Variants in ELAVL3 observed in about 807,000 individuals in gnomAD.
The protein encoded by ELAVL3 is ELAV like RNA binding protein 3.
ELAVL3 carries 8 observed loss-of-function variants against 34.2 expected under a neutral mutation model. That is an observed-to-expected ratio of 0.23 (90% CI 0.14 to 0.42). The LOEUF is 0.42. Ranked by LOEUF, ELAVL3 falls within the 10% of genes least tolerant of loss-of-function variation. The pLI, the probability that ELAVL3 is intolerant of heterozygous loss-of-function variation, is 1.00. For synonymous variants in ELAVL3, 209 were observed against 222.1 expected, an observed-to-expected ratio of 0.94 and a Z score of 0.53; for missense variants, 273 against 518.8, an observed-to-expected ratio of 0.53 and a Z score of 4.60.
At chr19:11,462,400 GCCGAGGTGGGCAGATCA>G (rs1374414369) in intron 3 of ELAVL3, among the ~76,000 whole-genome samples, 2 of 151,754 alleles carry the variant, frequency 1.3e-5, no homozygotes, top group East Asian at 2.0e-4. Flanking sequence ...ACTTTGGGAG[GCCGAGGTGGGCAGATCA>G]CTTGAGGTCA....
intron 3 of ELAVL3, among the ~76,000 whole-genome samples, chr19:11,465,681 A>T (rs943198574): frequency 1.3e-5 from 2 of 152,000 alleles, no homozygotes; most frequent in Non-Finnish European, 2.9e-5. Flanking sequence ...GGGGGTTTCC[A>T]TGACGATTCC....
chr19:11,464,723 CAT>C (rs1168775489), intron 3 of ELAVL3, among the ~76,000 whole-genome samples: 6 of 128,516 alleles, frequency 4.7e-5, no homozygotes, highest in Non-Finnish European at 6.5e-5. Context: ...CACACACACA[CAT>C]CACACACACA....
intron 1 of ELAVL3, among the ~76,000 whole-genome samples, chr19:11,476,203 T>C (rs1012263588): frequency 7.9e-5 from 12 of 152,196 alleles, no homozygotes; most frequent in Non-Finnish European, 1.6e-4. Flanking sequence ...ATGTGAAACT[T>C]CCAGGTGGTT....
Position 11,452,554 on chromosome 19 carries a change from G to C in ELAVL3, c.*1972C>G, listed in dbSNP as rs1349298509. The C allele has an allele frequency of 8.9e-6, 1 of 111,862 alleles. No individual in the cohort carries two copies. The highest frequency in any genetic ancestry group is 3.4e-5 in the African/African-American group (1 of 29,316). The allele number at this position is 111,862 out of a possible 1,614,324, so 6.9% of individuals were successfully genotyped here. On this transcript the variant is annotated 3_prime_UTR_variant, in exon 7 of 7. Transcript: ENST00000359227. ...GTTGCTTTTTTTTCCTCTTCTGTTT[G>C]TGTTTTTTTGTCGCTTTTTTGATTT...
chr19:11,454,471 C>CTCTCTCTCTCTCTCTCTT lies in ELAVL3; in HGVS notation c.*54_*55insAAGAGAGAGAGAGAGAGA. ...CCCTTCTCTCTCTCTCTCTCTCTTTCTCTCTCTCTCTCTCTGCTGCCCGGG... is the reference window on the plus strand; with the variant it reads ...CCCTTCTCTCTCTCTCTCTCTCTTTCTCTCTCTCTCTCTCTCTTTCTCTCTCTCTCTCTGCTGCCCGGG... On this transcript the variant is annotated 3_prime_UTR_variant, in exon 7 of 7. Coordinates refer to ENST00000359227, the MANE Select transcript of ELAVL3 (RefSeq NM_001420.4). This position sits in a 1 kb window ranked among gnomAD's most constrained non-coding sequence, Gnocchi z 9.2. 1 of 375,866 alleles carries CTCTCTCTCTCTCTCTCTT rather than the reference C, an allele frequency of 2.7e-6. No homozygotes were observed. 23.3% of individuals were successfully genotyped at this position (375,866 alleles called of 1,614,324 possible).
chr19:11,476,206 A>T (rs565014172), intron 1 of ELAVL3, among the ~76,000 whole-genome samples: 88 of 152,278 alleles, frequency 5.8e-4, no homozygotes, highest in Non-Finnish European at 1.1e-3. Flanking sequence ...TGAAACTTCC[A>T]GGTGGTTCTC....
rs1261380006 is a variant in ELAVL3, at chr19:11,452,847, AAAGAAAGAAAACTAGGGCG to A, written c.*1660_*1678del. 1 of 151,158 alleles carries A rather than the reference AAAGAAAGAAAACTAGGGCG, an allele frequency of 6.6e-6. No homozygotes were observed. Among genetic ancestry groups the A allele is most frequent in the Non-Finnish European group, 1.5e-5 (1 of 67,796 alleles). 9.4% of individuals were successfully genotyped at this position (151,158 alleles called of 1,614,324 possible). ...GCTTCTGTTGGAATTTTTTTTTTTT[AAAGAAAGAAAACTAGGGCG>A]ATGCAATGTCCAGACAGAAGCCGGG... On this transcript the variant is annotated 3_prime_UTR_variant, in exon 7 of 7. Transcript: ENST00000359227.
In ELAVL3 at chr19:11,458,466, T is replaced by TGG. The variant is rs1568379353; in HGVS notation, c.477_478dup (p.Gln160ProfsTer28). 6.2e-7 allele frequency: 1 copy of TGG among 1,614,124 alleles called. No homozygotes were observed. Among genetic ancestry groups the TGG allele is most frequent in the Non-Finnish European group, 8.5e-7 (1 of 1,180,040 alleles). ...CTCCCTGACTGCCTGACCTGTGACC[T>TGG]GGTCCACCAGGATGCGGGACGTGAT... On this transcript the variant is annotated frameshift_variant, in exon 4 of 7. Coordinates refer to ENST00000359227, the MANE Select transcript of ELAVL3 (RefSeq NM_001420.4). LOFTEE classifies it high-confidence loss of function. This position sits in a 1 kb window ranked among gnomAD's most constrained non-coding sequence, Gnocchi z 7.3.
At chr19:11,459,269 C>T (rs1970834935) in intron 3 of ELAVL3, among the ~76,000 whole-genome samples, 1 of 151,632 alleles carries the variant, frequency 6.6e-6, no homozygotes, top group African/African-American at 2.4e-5. Context: ...ATTACAGGCG[C>T]CCACCACCAC....
chr19:11,471,078 C>T (rs770312286), intron 1 of ELAVL3, among the ~76,000 whole-genome samples: 15 of 151,696 alleles, frequency 9.9e-5, no homozygotes, highest in Admixed American at 8.5e-4. Context: ...TTTGGGAGGC[C>T]GAGGTGGGCG....
rs1396947403 is a variant in ELAVL3, at chr19:11,451,916, G to T, written c.*2610C>A. 6.6e-6 allele frequency: 1 copy of T among 152,064 alleles called. No individual in the cohort carries two copies. The highest frequency in any genetic ancestry group is 1.5e-5 in the Non-Finnish European group (1 of 67,962). The allele number at this position is 152,064 out of a possible 1,614,324, so 9.4% of individuals were successfully genotyped here. A position where few individuals can be genotyped will look rare whatever the true frequency, so the allele number is the denominator to read the frequency against. ...CCTGCTGCAAGCTTCCCACGCGGAC[G>T]TGCGTGTTCCCGAATGCAGAGGGCG... On this transcript the variant is annotated 3_prime_UTR_variant, in exon 7 of 7. Transcript: ENST00000359227.
intron 1 of ELAVL3, among the ~76,000 whole-genome samples, chr19:11,471,578 A>C (rs975762861): frequency 6.6e-6 from 1 of 151,624 alleles, no homozygotes; most frequent in Non-Finnish European, 1.5e-5. Flanking sequence ...GCGCCATTGC[A>C]CTCCAGCCTG....
intron 3 of ELAVL3, among the ~76,000 whole-genome samples, chr19:11,464,127 C>CTCTCTG (rs1220851064): frequency 1.0e-4 from 9 of 89,918 alleles, no homozygotes; most frequent in African/African-American, 5.0e-4. Flanking sequence ...CTCTCTGTCT[C>CTCTCTG]TCTCTCTCTC....
chr19:11,457,935 A>AGGCTCCTT (rs890648004), intron 5 of ELAVL3, 126 bp downstream of exon 5: 1 of 979,886 alleles, frequency 1.0e-6, no homozygotes, highest in Admixed American at 2.3e-5. Flanking sequence ...CCTGACAGAT[A>AGGCTCCTT]GGCTCCTTGG....
Position 11,454,229 on chromosome 19 carries a change from G to A in ELAVL3, c.*297C>T, listed in dbSNP as rs763575580. ...GCACATCTCTGCATTCTTTTTAGCC[G>A]AAAAAAGAAACAAAAACCTTCACCA... On this transcript the variant is annotated 3_prime_UTR_variant, in exon 7 of 7. Coordinates refer to ENST00000359227, the MANE Select transcript of ELAVL3 (RefSeq NM_001420.4). The surrounding 1 kb of genome is among the most constrained non-coding windows in gnomAD (Gnocchi z 9.2). The A allele has an allele frequency of 1.7e-5, 6 of 351,666 alleles. No homozygotes were observed. The highest frequency in any genetic ancestry group is 5.5e-5 in the South Asian group (1 of 18,234). The allele number at this position is 351,666 out of a possible 1,614,324, so 21.8% of individuals were successfully genotyped here. A position where few individuals can be genotyped will look rare whatever the true frequency, so the allele number is the denominator to read the frequency against.
At chr19:11,471,978 A>C (rs900295885) in intron 1 of ELAVL3, among the ~76,000 whole-genome samples, 1 of 152,208 alleles carries the variant, frequency 6.6e-6, no homozygotes, top group African/African-American at 2.4e-5. Flanking sequence ...GGGACATAAG[A>C]AGGTCAAGTA....
intron 3 of ELAVL3, among the ~76,000 whole-genome samples, chr19:11,464,760 TCA>T (rs139244093): frequency 2.6e-4 from 16 of 61,790 alleles, no homozygotes; most frequent in Middle Eastern, 0.015. Context: ...CACACACACA[TCA>T]CACACACCAC....
At chr19:11,457,611 G>C (rs760220285) in intron 5 of ELAVL3, among the ~76,000 whole-genome samples, 17 of 152,172 alleles carry the variant, frequency 1.1e-4, no homozygotes, top group Non-Finnish European at 2.2e-4. Flanking sequence ...TCTCTGCTCT[G>C]TTTGGGCCAG....
rs1190164525 is a variant in ELAVL3 at position 11,466,203 on chromosome 19, T to C, written c.302A>G (p.Asn101Ser). ...GGTCTTCGTCTGTAATTTGAGGCCGTTGAGGGTGTTGATGGCTTTGTCTGC... is the reference window on the plus strand; with the variant it reads ...GGTCTTCGTCTGTAATTTGAGGCCGCTGAGGGTGTTGATGGCTTTGTCTGC... ...NDADKAINTL[N>S]GLKLQTKTIK... Residue 101 changes from asparagine to serine, a missense_variant, in exon 3 of 7, where the codon AAC (asparagine) becomes AGC (serine). Transcript: ENST00000359227. This position sits in a 1 kb window ranked among gnomAD's most constrained non-coding sequence, Gnocchi z 5.0. 6.2e-7 allele frequency: 1 copy of C among 1,613,686 alleles called. No homozygotes were observed. Among genetic ancestry groups the C allele is most frequent in the Non-Finnish European group, 8.5e-7 (1 of 1,179,874 alleles).
Sources: allele counts gnomAD v4.1 joint callset (sites outside exome capture counted in the v4.1 genomes callset), GRCh38; gene constraint gnomAD v4.1.1; non-coding constraint Gnocchi (gnomAD v3.1); transcripts MANE v1.5; gene names NCBI Gene and HGNC (gene_info 2026-07-23, HGNC 2026-07-21).